Variants in CFAP184 observed in about 807,000 individuals in gnomAD.
CFAP184 encodes cilia- and flagella-associated protein 184.
the CFAP184 span, chr4:7,040,921 C>G: frequency 5.0e-6 from 1 of 199,490 alleles, no homozygotes; most frequent in African/African-American, 2.3e-5. Context: ...ATTCGCTGAA[C>G]TTTTAAACCC....
chr4:7,042,436 T>C, the CFAP184 span: 2 of 1,610,916 alleles, frequency 1.2e-6, no homozygotes, highest in Non-Finnish European at 8.5e-7. Flanking sequence ...GTCCTCTTCC[T>C]CCCCCTCCAC....
At chr4:7,042,779 G>C in the CFAP184 span, 1 of 1,542,454 alleles carries the variant, frequency 6.5e-7, no homozygotes, top group Non-Finnish European at 8.7e-7. Flanking sequence ...GAAGCCGCTT[G>C]CTCCTCCTCC....
chr4:7,042,887 C>A, the CFAP184 span: 1 of 1,556,178 alleles, frequency 6.4e-7, no homozygotes, highest in Non-Finnish European at 8.7e-7. Context: ...AGGCTTTCCC[C>A]GTCTCCGCCT....
chr4:7,041,499 C>T, the CFAP184 span: 1 of 1,614,252 alleles, frequency 6.2e-7, no homozygotes, highest in Non-Finnish European at 8.5e-7. Flanking sequence ...CTTGCTTCGT[C>T]TTGGTCAGGA....
chr4:7,042,756 G>C, the CFAP184 span: 2 of 1,530,430 alleles, frequency 1.3e-6, no homozygotes, highest in Non-Finnish European at 8.8e-7. Context: ...CGTCCGCGGC[G>C]GTGCCTCCCT....
chr4:7,041,290 T>A, the CFAP184 span: 2 of 1,600,918 alleles, frequency 1.2e-6, no homozygotes, highest in South Asian at 1.1e-5. Flanking sequence ...GAGAAAGGCT[T>A]TGGCCTCCCT....
chr4:7,041,619 C>A, the CFAP184 span: 1 of 1,614,236 alleles, frequency 6.2e-7, no homozygotes, highest in East Asian at 2.2e-5. Flanking sequence ...TTATTACTTG[C>A]ACACTGTTGG....
chr4:7,042,481 T>C, the CFAP184 span: 1 of 1,610,432 alleles, frequency 6.2e-7, no homozygotes, highest in South Asian at 1.1e-5. Flanking sequence ...TGCAGCAGCC[T>C]CTTCCTCATC....
the CFAP184 span, chr4:7,042,366 C>T: frequency 5.1e-5 from 82 of 1,610,560 alleles, no homozygotes; most frequent in South Asian, 7.8e-4. Context: ...GGCTTTTGGC[C>T]GGGCGTCCTT....
the CFAP184 span, chr4:7,042,530 C>G: frequency 6.3e-7 from 1 of 1,599,120 alleles, no homozygotes; most frequent in East Asian, 2.2e-5. Flanking sequence ...AACCTGACTT[C>G]CTTCCCCTCT....
the CFAP184 span, chr4:7,042,652 T>TCGGGCTGGGGCTCGGC: frequency 2.7e-6 from 4 of 1,498,348 alleles, no homozygotes; most frequent in Admixed American, 8.8e-5. Context: ...CTCTTCGGGC[T>TCGGGCTGGGGCTCGGC]CGGGCTGGGG....
chr4:7,042,888 G>A, the CFAP184 span: 10 of 1,555,190 alleles, frequency 6.4e-6, no homozygotes, highest in South Asian at 7.0e-5. Flanking sequence ...GGCTTTCCCC[G>A]TCTCCGCCTT....
chr4:7,042,945 C>A, the CFAP184 span: 1 of 1,419,014 alleles, frequency 7.0e-7, no homozygotes, highest in Non-Finnish European at 9.2e-7. Context: ...CCATCTCCTC[C>A]CGGCTCGGCC....
the CFAP184 span, chr4:7,042,278 C>A: frequency 6.3e-7 from 1 of 1,591,818 alleles, no homozygotes. Flanking sequence ...AGCTGCTGCT[C>A]CTGCAGCTTC....
chr4:7,042,935 C>T, the CFAP184 span: 1 of 1,435,860 alleles, frequency 7.0e-7, no homozygotes, highest in South Asian at 1.5e-5. Context: ...GAGCTGACGT[C>T]CATCTCCTCC....
the CFAP184 span, chr4:7,041,014 G>C: frequency 4.8e-6 from 2 of 415,058 alleles, no homozygotes; most frequent in African/African-American, 4.0e-5. Context: ...ACTTTTGACA[G>C]TTTTTCATGA....
At chr4:7,042,387 C>T in the CFAP184 span, 20 of 1,612,262 alleles carry the variant, frequency 1.2e-5, no homozygotes, top group Non-Finnish European at 1.4e-5. Flanking sequence ...CCCCATCCCT[C>T]TCCTTGCTCT....
At chr4:7,042,881 T>C in the CFAP184 span, 1 of 1,559,832 alleles carries the variant, frequency 6.4e-7, no homozygotes, top group South Asian at 1.2e-5. Context: ...GCGGCCAGGC[T>C]TTCCCCGTCT....
chr4:7,041,954 G>C, the CFAP184 span: 2 of 1,612,568 alleles, frequency 1.2e-6, no homozygotes, highest in Non-Finnish European at 8.5e-7. Context: ...GCCTGGAAGC[G>C]TCGCCACTCC....
Sources: allele counts gnomAD v4.1 joint callset, GRCh38; gene constraint gnomAD v4.1.1; transcripts MANE v1.5; gene names NCBI Gene and HGNC (gene_info 2026-07-23, HGNC 2026-07-21).